The following VAV3 variants were observed in gnomAD, a reference collection of about 807,000 sequenced individuals.
The protein encoded by VAV3 is guanine nucleotide exchange factor VAV3.
VAV3 carries 94 observed loss-of-function variants against 131.2 expected under a neutral mutation model. The ratio of observed to expected loss-of-function variants is 0.72; its 90% CI spans 0.61 to 0.85. The LOEUF is 0.85. VAV3 is among the 40% of genes least tolerant of loss of function. VAV3 has a pLI of 0.00. For synonymous variants in VAV3, 349 were observed against 342.0 expected, an observed-to-expected ratio of 1.02 and a Z score of -0.22; for missense variants, 939 against 1,002.7, an observed-to-expected ratio of 0.94 and a Z score of 0.86.
At chr1:107,901,146 T>A (rs1671838469) in intron 1 of VAV3, among the ~76,000 whole-genome samples, 1 of 152,208 alleles carries the variant, frequency 6.6e-6, no homozygotes, top group South Asian at 2.1e-4. Context: ...TTACACCAGC[T>A]GGGGAGCTGC....
chr1:107,919,135 TA>T (rs1238817981), intron 1 of VAV3, among the ~76,000 whole-genome samples: 1 of 152,224 alleles, frequency 6.6e-6, no homozygotes, highest in African/African-American at 2.4e-5. Flanking sequence ...ATATACTCAA[TA>T]GTTATTCTAA....
intron 22 of VAV3, among the ~76,000 whole-genome samples, chr1:107,604,993 G>A (rs1334768470): frequency 1.3e-5 from 2 of 152,084 alleles, no homozygotes; most frequent in Non-Finnish European, 2.9e-5. Flanking sequence ...CTCCTTTATA[G>A]TGCTGTTCCT....
At chr1:107,860,605 G>A (rs2100982991) in intron 2 of VAV3, among the ~76,000 whole-genome samples, 1 of 151,522 alleles carries the variant, frequency 6.6e-6, no homozygotes, top group South Asian at 2.1e-4. Context: ...TCTCTCCTTC[G>A]ATTTTAAATT....
At chr1:107,898,746 A>ATAAAATATGTAAG (rs1355185115) in intron 1 of VAV3, among the ~76,000 whole-genome samples, 6 of 152,230 alleles carry the variant, frequency 3.9e-5, no homozygotes, top group Admixed American at 2.6e-4. Flanking sequence ...CACATATCCC[A>ATAAAATATGTAAG]TAAAATATGT....
chr1:107,576,372 T>A, intron 25 of VAV3: 5 of 1,484,646 alleles, frequency 3.4e-6, no homozygotes, highest in Non-Finnish European at 3.5e-6. Context: ...AAGAGACAAA[T>A]AAAAGTAGTA....
chr1:107,801,034 T>C (rs993009316), intron 2 of VAV3, among the ~76,000 whole-genome samples: 11 of 152,160 alleles, frequency 7.2e-5, no homozygotes, highest in African/African-American at 2.7e-4. Context: ...CTTCTACATA[T>C]GGTTATCCAG....
In VAV3 at chr1:107,727,723, C is replaced by A. The variant is rs144611984; in HGVS notation, c.1502+21245G>T. ...TGGGATTTAGCCTTTGTGGGCTTTG[C>A]ACATTTAGACTTGTGTCAATATCAA... On this transcript the variant is annotated intron_variant, in intron 15 of 26. Coordinates refer to ENST00000370056, the MANE Select transcript of VAV3 (RefSeq NM_006113.5). 5.3e-4 allele frequency among the ~76,000 whole-genome samples: 81 copies of A among 152,200 alleles called. No homozygotes were observed. The East Asian group carries it at 0.015, about 29-fold the overall frequency.
chr1:107,827,623 T>C (rs1350231414), intron 2 of VAV3, among the ~76,000 whole-genome samples: 3 of 152,162 alleles, frequency 2.0e-5, no homozygotes, highest in African/African-American at 4.8e-5. Flanking sequence ...ACAGAATCCT[T>C]TCCAATAATG....
intron 2 of VAV3, among the ~76,000 whole-genome samples, chr1:107,819,233 C>T (rs544353798): frequency 6.6e-6 from 1 of 152,106 alleles, no homozygotes; most frequent in Admixed American, 6.5e-5. Context: ...TCTTTCTTCC[C>T]TTGCTATCAT....
intron 25 of VAV3, chr1:107,578,639 C>T (rs909150394): frequency 4.7e-5 from 11 of 233,742 alleles, no homozygotes; most frequent in African/African-American, 1.2e-4. Flanking sequence ...GACGGAGTTT[C>T]GCTCTGTTGC....
intron 19 of VAV3, among the ~76,000 whole-genome samples, chr1:107,653,969 C>G (rs1656358963): frequency 6.6e-6 from 1 of 152,032 alleles, no homozygotes; most frequent in South Asian, 2.1e-4. Context: ...TAGTACTGTT[C>G]TGACCACGAA....
chr1:107,610,376 T>C (rs964504260), intron 21 of VAV3, among the ~76,000 whole-genome samples: 1 of 151,964 alleles, frequency 6.6e-6, no homozygotes, highest in Non-Finnish European at 1.5e-5. Flanking sequence ...GATGTGGGTA[T>C]TTAATATTTT....
In VAV3 at chr1:107,879,653, T is replaced by G. The variant is rs28722699; in HGVS notation, c.205-4636A>C. Among the ~76,000 whole-genome samples the G allele has an allele frequency of 4.1e-3, 624 of 152,216 alleles. 5 individuals carry two copies. The highest frequency in any genetic ancestry group is 0.014 in the African/African-American group (586 of 41,544). ...TTCAAATATACTGCCTTCAGAGATA[T>G]TTTATGAGTCAGAAGGGCAAATCCA... is the stretch of plus-strand genomic sequence containing the variant. On this transcript the variant is annotated intron_variant, in intron 1 of 26. Transcript: ENST00000370056.
intron 1 of VAV3, among the ~76,000 whole-genome samples, chr1:107,960,777 C>T (rs1005922985): frequency 1.3e-5 from 2 of 152,140 alleles, no homozygotes; most frequent in Non-Finnish European, 2.9e-5. Flanking sequence ...TCCTGTGTTC[C>T]TTCACTCGCT....
At chr1:107,701,643 G>A (rs1477733573) in intron 17 of VAV3, among the ~76,000 whole-genome samples, 2 of 152,150 alleles carry the variant, frequency 1.3e-5, no homozygotes, top group Non-Finnish European at 2.9e-5. Context: ...GCATCATCAG[G>A]CTGCAAATTC....
intron 11 of VAV3, 98 bp downstream of exon 11, chr1:107,757,151 ATATGTGTGTGTG>A (rs1396696340): frequency 1.7e-6 from 1 of 579,428 alleles, no homozygotes; most frequent in African/African-American, 2.7e-5. Flanking sequence ...ATATGTGTGT[ATATGTGTGTGTG>A]TGTGTGTGTG....
At chr1:107,778,244 A>G (rs1174050712) in intron 3 of VAV3, among the ~76,000 whole-genome samples, 3 of 152,178 alleles carry the variant, frequency 2.0e-5, no homozygotes, top group Non-Finnish European at 2.9e-5. Flanking sequence ...TTTTCAAATA[A>G]ATCAGTGTGT....
chr1:107,955,865 G>A (rs1284262395), intron 1 of VAV3, among the ~76,000 whole-genome samples: 2 of 152,280 alleles, frequency 1.3e-5, no homozygotes, highest in South Asian at 4.1e-4. Flanking sequence ...AAGTTATAAG[G>A]AGGTTGTCTG....
chr1:107,698,180 C>T (rs1317363779), intron 17 of VAV3, among the ~76,000 whole-genome samples: 1 of 152,060 alleles, frequency 6.6e-6, no homozygotes, highest in Non-Finnish European at 1.5e-5. Context: ...CAAATGGTCC[C>T]CAATTTTGGA....
Sources: allele counts gnomAD v4.1 joint callset (sites outside exome capture counted in the v4.1 genomes callset), GRCh38; gene constraint gnomAD v4.1.1; transcripts MANE v1.5; gene names NCBI Gene and HGNC (gene_info 2026-07-23, HGNC 2026-07-21).